The following GFRA2 variants were observed in gnomAD, a reference collection of about 807,000 sequenced individuals.
GFRA2 encodes the protein GDNF family receptor alpha-2.
A neutral mutation model predicts 48.3 loss-of-function variants in GFRA2; 17 were observed. The ratio of observed to expected loss-of-function variants is 0.35; its 90% CI spans 0.24 to 0.53. The LOEUF (loss-of-function observed/expected upper bound fraction) is 0.53. GFRA2 is among the 20% of genes least tolerant of loss of function. GFRA2 has a pLI of 0.93. For synonymous variants in GFRA2, 305 were observed against 257.2 expected (o/e 1.19, Z -1.78); for missense variants, 660 against 637.3 (o/e 1.04, Z -0.38).
chr8:21,770,083 T>C (rs1372201311), intron 3 of GFRA2, among the ~76,000 whole-genome samples: 2 of 152,216 alleles, frequency 1.3e-5, no homozygotes, highest in Non-Finnish European at 2.9e-5. Context: ...TAGTACATGA[T>C]GGCCGTCCCC....
chr8:21,760,461 G>C (rs1025058455), intron 3 of GFRA2, among the ~76,000 whole-genome samples: 15 of 152,122 alleles, frequency 9.9e-5, no homozygotes, highest in Non-Finnish European at 1.3e-4. Context: ...AGGAGAGAGA[G>C]AAATCAAGAA....
chr8:21,736,021 G>T (rs1804442929), intron 4 of GFRA2, among the ~76,000 whole-genome samples: 1 of 152,222 alleles, frequency 6.6e-6, no homozygotes, highest in East Asian at 1.9e-4. Flanking sequence ...AAGACCACTG[G>T]TTCACTCGGG....
intron 2 of GFRA2, among the ~76,000 whole-genome samples, chr8:21,796,110 A>C (rs1807671247): frequency 6.6e-6 from 1 of 152,190 alleles, no homozygotes; most frequent in African/African-American, 2.4e-5. Context: ...CCTAAGCCTA[A>C]AATATCCTAG....
At chr8:21,760,446 G>A (rs892314582) in intron 3 of GFRA2, among the ~76,000 whole-genome samples, 1 of 152,212 alleles carries the variant, frequency 6.6e-6, no homozygotes, top group African/African-American at 2.4e-5. Flanking sequence ...TGCATTTTGA[G>A]TGGGAGGAGA....
At chr8:21,774,580 C>T (rs7824483) in intron 3 of GFRA2, among the ~76,000 whole-genome samples, 1,714 of 152,314 alleles carry the variant, frequency 0.011, 27 homozygotes, top group African/African-American at 0.038. Flanking sequence ...CGGTACGGTA[C>T]TCCCCCATCA....
chr8:21,708,115 G>C (rs1338992980), intron 4 of GFRA2, among the ~76,000 whole-genome samples: 1 of 152,066 alleles, frequency 6.6e-6, no homozygotes, highest in Non-Finnish European at 1.5e-5. Flanking sequence ...CTGTGTTGCA[G>C]GAGGGCCTGG....
chr8:21,729,582 G>A (rs1345391338), intron 4 of GFRA2, among the ~76,000 whole-genome samples: 1 of 152,122 alleles, frequency 6.6e-6, no homozygotes, highest in African/African-American at 2.4e-5. Context: ...TAAAGAAGAC[G>A]GCAGTTTCCT....
Position 21,787,273 on chromosome 8 carries a change from A to AGGGGG in GFRA2, c.40+846_40+847insCCCCC, listed in dbSNP as rs1585344097. The stretch of plus-strand genomic sequence containing the variant: ...CTGTCTTGGAGGCGGCGGGGGGGGC[A>AGGGGG]GTGGGGGGGGTTTGCAGAAGGAGCA... On this transcript the variant is annotated intron_variant, in intron 1 of 8. Coordinates refer to ENST00000524240, the MANE Select transcript of GFRA2 (RefSeq NM_001495.5). Among the ~76,000 whole-genome samples the AGGGGG allele has an allele frequency of 5.0e-3, 260 of 51,502 alleles. 1 individual carries two copies. The highest frequency in any genetic ancestry group is 7.3e-3 in the African/African-American group (78 of 10,724). The allele number at this position is 51,502 out of a possible 152,430, so 33.8% of individuals were successfully genotyped here.
At chr8:21,797,908 G>C (rs1358939311) in intron 2 of GFRA2, 1 of 152,136 alleles carries the variant, frequency 6.6e-6, no homozygotes, top group Non-Finnish European at 1.5e-5. Flanking sequence ...TGAAGTGCTG[G>C]CTGTTGTGGA....
At chr8:21,697,112 AGGGGAGGGGAGAGAAGGGGGAGGGGACAG>A (rs1802236711) in intron 7 of GFRA2, among the ~76,000 whole-genome samples, 1 of 136,564 alleles carries the variant, frequency 7.3e-6, no homozygotes, top group Non-Finnish European at 1.6e-5. Flanking sequence ...GACAGAGGAG[AGGGGAGGGGAGAGAAGGGGGAGGGGACAG>A]AGGGAGAGGG....
At chr8:21,735,104 C>T (rs920981911) in intron 4 of GFRA2, among the ~76,000 whole-genome samples, 1 of 152,178 alleles carries the variant, frequency 6.6e-6, no homozygotes, top group African/African-American at 2.4e-5. Flanking sequence ...CAAGCTGTGC[C>T]CTGAACACCT....
chr8:21,780,295 C>T (rs1377327288), intron 2 of GFRA2, among the ~76,000 whole-genome samples: 1 of 152,094 alleles, frequency 6.6e-6, no homozygotes, highest in Admixed American at 6.5e-5. Context: ...CTGAGGCACA[C>T]AGCAGGTGTC....
At chr8:21,777,256 T>C (rs1027815387) in intron 2 of GFRA2, among the ~76,000 whole-genome samples, 2 of 152,336 alleles carry the variant, frequency 1.3e-5, no homozygotes, top group East Asian at 3.9e-4. Context: ...AAGTCATTCC[T>C]AAATAAGTAC....
rs1802714299 is a variant in GFRA2, at chr8:21,705,869, C to A, written c.904+63G>T. The stretch of plus-strand genomic sequence containing the variant: ...GCTGGCCCTGAGCTGGGCTGCGGCC[C>A]CTGCCCTGCTGAGATGGGGGCAGCA... On this transcript the variant is annotated intron_variant, in intron 5 of 8. Transcript: ENST00000524240. 3.4e-5 allele frequency: 39 copies of A among 1,146,292 alleles called. No individual in the cohort carries two copies. In the South Asian group the frequency reaches 5.4e-4, roughly 16 times the overall value. 71.0% of individuals were successfully genotyped at this position (1,146,292 alleles called of 1,614,324 possible).
At chr8:21,711,414 T>G (rs538655852) in intron 4 of GFRA2, among the ~76,000 whole-genome samples, 1 of 152,170 alleles carries the variant, frequency 6.6e-6, no homozygotes. Context: ...AAGCTAAGTC[T>G]GCCAAGTGAG....
chr8:21,778,579 G>C (rs1217806258), intron 2 of GFRA2, among the ~76,000 whole-genome samples: 1 of 152,202 alleles, frequency 6.6e-6, no homozygotes, highest in Non-Finnish European at 1.5e-5. Flanking sequence ...ATAAATGAAT[G>C]AATAAACCAT....
At chr8:21,735,202 A>C (rs2117517731) in intron 4 of GFRA2, among the ~76,000 whole-genome samples, 1 of 152,258 alleles carries the variant, frequency 6.6e-6, no homozygotes, top group East Asian at 1.9e-4. Flanking sequence ...ATTGACTGAG[A>C]TCTGTCTCAA....
chr8:21,718,377 T>C (rs1030297183), intron 4 of GFRA2, among the ~76,000 whole-genome samples: 4 of 152,220 alleles, frequency 2.6e-5, no homozygotes, highest in African/African-American at 9.6e-5. Flanking sequence ...CGGTTAAACC[T>C]CTTTCTTTTG....
intron 3 of GFRA2, among the ~76,000 whole-genome samples, chr8:21,756,475 T>C (rs1805575235): frequency 6.6e-6 from 1 of 151,888 alleles, no homozygotes; most frequent in African/African-American, 2.4e-5. Context: ...CTGCGCTGCG[T>C]TTTCATTATG....
Sources: allele counts gnomAD v4.1 joint callset (sites outside exome capture counted in the v4.1 genomes callset), GRCh38; gene constraint gnomAD v4.1.1; transcripts MANE v1.5; gene names NCBI Gene and HGNC (gene_info 2026-07-23, HGNC 2026-07-21).